MID1IP1: variants seen among roughly 807,000 people sequenced by gnomAD.
MID1IP1 encodes the protein mid1-interacting protein 1.
A neutral mutation model predicts 6.8 loss-of-function variants in MID1IP1; 3 were observed. The observed-to-expected ratio is 0.44, with a 90% CI of 0.20 to 1.14. The LOEUF is 1.14. Ranked by LOEUF, MID1IP1 falls within the 50% of genes most tolerant of loss-of-function variation. MID1IP1 has a pLI of 0.26. For synonymous variants in MID1IP1, 87 were observed against 70.4 expected (o/e 1.24, Z -1.18); for missense variants, 127 against 158.4 (o/e 0.80, Z 1.06).
chrX:38,805,154 G>A lies in MID1IP1; in HGVS notation c.208G>A (p.Val70Ile), dbSNP rs768565014. ...GGCLEERTPP[V>I]PDSGSANGSF... is the part of the protein sequence containing the mutation. ...CTGCCTGGAGGAGCGCACGCCCCCA[G>A]TCCCCGACTCGGGAAGCGCCAATGG... The change falls in exon 3 of 3, where the codon GTC becomes ATC. Residue 70 changes from valine to isoleucine, a missense_variant. By Grantham distance (29) the Val-to-Ile change is conservative. Transcript: ENST00000614558. 3.0e-5 allele frequency: 36 copies of A among 1,208,499 alleles called. No homozygotes were observed. The highest frequency in any genetic ancestry group is 2.2e-4 in the Admixed American group (10 of 45,749).
Position 38,805,199 on chromosome X carries a change from C to G in MID1IP1, c.253C>G (p.Arg85Gly). 2 of 1,209,901 alleles carry G rather than the reference C, an allele frequency of 1.7e-6. No individual in the cohort carries two copies. Among genetic ancestry groups the G allele is most frequent in the Non-Finnish European group, 2.2e-6 (2 of 894,716 alleles). ...SANGSFFAPS[R>G]DMYSHYVLLK... ...CAATGGCAGCTTTTTCGCGCCCTCT[C>G]GGGACATGTACAGCCACTACGTGCT... Residue 85 changes from arginine (R) to glycine (G), a missense_variant, in exon 3 of 3, where the codon CGG becomes GGG. Physicochemically the swap from Arg to Gly is moderately radical, Grantham distance 125 (BLOSUM62 -2). Coordinates refer to ENST00000614558, the MANE Select transcript of MID1IP1 (RefSeq NM_021242.6).
In MID1IP1 at chrX:38,804,063, C is replaced by T; in HGVS notation, c.-615C>T. 8.8e-6 allele frequency: 1 copy of T among 113,596 alleles called. No homozygotes were observed. The allele number at this position is 113,596 out of a possible 1,213,427, so 9.4% of individuals were successfully genotyped here. ...TGCCCTGCCCTGGCCTGCCCCGGCG[C>T]CCTCCCTCAGCCCGGGTATCAGGCG... On this transcript the variant is annotated 5_prime_UTR_variant, in exon 2 of 3. Transcript: ENST00000614558.
At position 38,805,231 on chromosome X, in the gene MID1IP1, G is replaced by T; in HGVS notation, c.285G>T (p.Lys95Asn). Residue 95 changes from lysine (K) to asparagine (N), a missense_variant, in exon 3 of 3, where the codon AAG (lysine) becomes AAT (asparagine). Coordinates refer to ENST00000614558, the MANE Select transcript of MID1IP1 (RefSeq NM_021242.6). ...RDMYSHYVLL[K>N]SIRNDIEWGV... is the part of the protein sequence containing the mutation. Reference sequence around the variant, plus strand: ...TGTACAGCCACTACGTGCTTCTCAAGTCCATCCGCAACGACATCGAGTGGG... The same window carrying T: ...TGTACAGCCACTACGTGCTTCTCAATTCCATCCGCAACGACATCGAGTGGG... 8.3e-7 allele frequency: 1 copy of T among 1,204,172 alleles called. No homozygotes were observed. The highest frequency in any genetic ancestry group is 1.1e-6 in the Non-Finnish European group (1 of 890,935).
In MID1IP1 at chrX:38,803,099, G is replaced by A. The variant is rs2070472913; in HGVS notation, c.-1579G>A. On this transcript the variant is annotated 5_prime_UTR_variant, in exon 2 of 3. Transcript: ENST00000614558. ...TGAATCTTATTGAACATAATTGTAG[G>A]ACTGCCAGAGAGGACTGGTGGATGA... is the stretch of plus-strand genomic sequence containing the variant. The A allele has an allele frequency of 8.9e-6, 1 of 112,474 alleles. No individual in the cohort carries two copies. The highest frequency in any genetic ancestry group is 3.6e-4 in the South Asian group (1 of 2,741). 9.3% of individuals were successfully genotyped at this position (112,474 alleles called of 1,213,427 possible).
At chrX:38,804,563 A>C in intron 2 of MID1IP1, 120 bp from the exon 3 acceptor site, 1 of 138,321 alleles carries the variant, frequency 7.2e-6, no homozygotes, top group Non-Finnish European at 1.4e-5. Flanking sequence ...GCGGGGAGCC[A>C]CCCAGGCGCC....
In MID1IP1 at chrX:38,805,898, T is replaced by G. The variant is rs775326850; in HGVS notation, c.*400T>G. ...CTTGGGAAAGCAGCCCGGAGCTGGGTGCTGGGGAAGGCGGGGCGCGTAGCC... is the reference window on the plus strand; with the variant it reads ...CTTGGGAAAGCAGCCCGGAGCTGGGGGCTGGGGAAGGCGGGGCGCGTAGCC... On this transcript the variant is annotated 3_prime_UTR_variant, in exon 3 of 3. Coordinates refer to ENST00000614558, the MANE Select transcript of MID1IP1 (RefSeq NM_021242.6). 6.2e-6 allele frequency: 1 copy of G among 161,696 alleles called. No individual in the cohort carries two copies. Among genetic ancestry groups the G allele is most frequent in the East Asian group, 1.9e-4 (1 of 5,185 alleles). The allele number at this position is 161,696 out of a possible 1,213,427, so 13.3% of individuals were successfully genotyped here.
rs956069437 is a variant in MID1IP1, at chrX:38,803,773, C to T, written c.-905C>T. The T allele has an allele frequency of 8.9e-6, 1 of 112,936 alleles. No individual in the cohort carries two copies. Among genetic ancestry groups the T allele is most frequent in the African/African-American group, 3.2e-5 (1 of 31,091 alleles). The allele number at this position is 112,936 out of a possible 1,213,427, so 9.3% of individuals were successfully genotyped here. A position where few individuals can be genotyped will look rare whatever the true frequency, so the allele number is the denominator to read the frequency against. Reference sequence around the variant, plus strand: ...CTTCCCCGACGGCTAATAATAAACCCGGGTTCCTGTTTCCCGGCCGCGGCC... The same window carrying T: ...CTTCCCCGACGGCTAATAATAAACCTGGGTTCCTGTTTCCCGGCCGCGGCC... On this transcript the variant is annotated 5_prime_UTR_variant, in exon 2 of 3. Transcript: ENST00000614558.
In MID1IP1 at chrX:38,804,671, T is replaced by A. The variant is rs905958575; in HGVS notation, c.-264-12T>A. On this transcript the variant is annotated splice_polypyrimidine_tract_variant and intron_variant, in intron 2 of 2. Coordinates refer to ENST00000614558, the MANE Select transcript of MID1IP1 (RefSeq NM_021242.6). ...AATCTAATCTGTTCTTTCGTCTCCGTGTATCAAACAGGCCAGGGCTCGACC... is the reference window on the plus strand; with the variant it reads ...AATCTAATCTGTTCTTTCGTCTCCGAGTATCAAACAGGCCAGGGCTCGACC... 8 of 319,395 alleles carry A rather than the reference T, an allele frequency of 2.5e-5. No homozygotes were observed. The highest frequency in any genetic ancestry group is 4.4e-5 in the Non-Finnish European group (8 of 182,516). The allele number at this position is 319,395 out of a possible 1,213,427, so 26.3% of individuals were successfully genotyped here.
At chrX:38,801,784 C>G (rs1443369029) in intron 1 of MID1IP1, 1 of 111,242 alleles carries the variant, frequency 9.0e-6, no homozygotes, top group African/African-American at 3.3e-5. Flanking sequence ...TGTTATCACA[C>G]TGTTGGAACT....
Position 38,805,855 on chromosome X carries a change from C to T in MID1IP1, c.*357C>T. The T allele has an allele frequency of 5.0e-6, 1 of 200,479 alleles. No homozygotes were observed. The highest frequency in any genetic ancestry group is 9.7e-6 in the Non-Finnish European group (1 of 102,807). 16.5% of individuals were successfully genotyped at this position (200,479 alleles called of 1,213,427 possible). On this transcript the variant is annotated 3_prime_UTR_variant, in exon 3 of 3. Coordinates refer to ENST00000614558, the MANE Select transcript of MID1IP1 (RefSeq NM_021242.6). ...CCCGAGAAGGGGCCATACCAGGGCGCGGCGCTGGGTTGCCACACTTGGGAA... is the reference window on the plus strand; with the variant it reads ...CCCGAGAAGGGGCCATACCAGGGCGTGGCGCTGGGTTGCCACACTTGGGAA...
At position 38,804,907 on chromosome X, in the gene MID1IP1, T is replaced by G. The variant is rs767363606; in HGVS notation, c.-40T>G. The G allele has an allele frequency of 1.7e-6, 2 of 1,148,626 alleles. No homozygotes were observed. The highest frequency in any genetic ancestry group is 5.2e-5 in the Admixed American group (2 of 38,497). 94.7% of individuals were successfully genotyped at this position (1,148,626 alleles called of 1,213,427 possible). ...CCCTTGACCCGGCCGACCATCCCCG[T>G]GCCCCTGCGTCCCTGCGCTCCAACG... On this transcript the variant is annotated 5_prime_UTR_variant, in exon 3 of 3. Coordinates refer to ENST00000614558, the MANE Select transcript of MID1IP1 (RefSeq NM_021242.6).
At position 38,805,128 on chromosome X, in the gene MID1IP1, G is replaced by A; in HGVS notation, c.182G>A (p.Gly61Asp). The A allele has an allele frequency of 2.5e-6, 3 of 1,208,415 alleles. No homozygotes were observed. Among genetic ancestry groups the A allele is most frequent in the South Asian group, 3.5e-5 (2 of 56,578 alleles). Residue 61 changes from glycine (G) to aspartate (D), a missense_variant, in exon 3 of 3, where the codon GGC becomes GAC. Physicochemically the swap from Gly to Asp is moderately conservative, Grantham distance 94 (BLOSUM62 -1). Transcript: ENST00000614558. ...DVGVEVGGSG[G>D]CLEERTPPVP... ...GGCGTGGAGGTAGGCGGCAGTGGCGGCTGCCTGGAGGAGCGCACGCCCCCA... is the reference window on the plus strand; with the variant it reads ...GGCGTGGAGGTAGGCGGCAGTGGCGACTGCCTGGAGGAGCGCACGCCCCCA...
Position 38,803,168 on chromosome X carries a change from G to C in MID1IP1, c.-1510G>C, listed in dbSNP as rs1451561370. 1 of 112,896 alleles carries C rather than the reference G, an allele frequency of 8.9e-6. No individual in the cohort carries two copies. Among genetic ancestry groups the C allele is most frequent in the Non-Finnish European group, 1.9e-5 (1 of 53,403 alleles). 9.3% of individuals were successfully genotyped at this position (112,896 alleles called of 1,213,427 possible). A position where few individuals can be genotyped will look rare whatever the true frequency, so the allele number is the denominator to read the frequency against. On this transcript the variant is annotated 5_prime_UTR_variant, in exon 2 of 3. Coordinates refer to ENST00000614558, the MANE Select transcript of MID1IP1 (RefSeq NM_021242.6). ...TGAGATGGGAAAAATTAAATAGGCT[G>C]TGGTTTGGAAGTCTCAAAGTGAAAT...
rs1188664984 is a variant in MID1IP1 at position 38,803,765 on chromosome X, A to G, written c.-913A>G. 1 of 112,674 alleles carries G rather than the reference A, an allele frequency of 8.9e-6. No individual in the cohort carries two copies. The highest frequency in any genetic ancestry group is 1.9e-5 in the Non-Finnish European group (1 of 53,305). 9.3% of individuals were successfully genotyped at this position (112,674 alleles called of 1,213,427 possible). A position where few individuals can be genotyped will look rare whatever the true frequency, so the allele number is the denominator to read the frequency against. On this transcript the variant is annotated 5_prime_UTR_variant, in exon 2 of 3. The change creates a new upstream start codon in the 5' untranslated region. Coordinates refer to ENST00000614558, the MANE Select transcript of MID1IP1 (RefSeq NM_021242.6). ...CGGCCCCTCTTCCCCGACGGCTAAT[A>G]ATAAACCCGGGTTCCTGTTTCCCGG... is the stretch of plus-strand genomic sequence containing the variant.
chrX:38,802,299 G>A (rs989230267), intron 1 of MID1IP1, among the ~76,000 whole-genome samples: 3 of 112,643 alleles, frequency 2.7e-5, no homozygotes, highest in Admixed American at 9.3e-5. Context: ...TGTGTGCAGA[G>A]AAGGAAGGTG....
In MID1IP1 at chrX:38,804,938, G is replaced by A. The variant is rs2070498544; in HGVS notation, c.-9G>A. On this transcript the variant is annotated 5_prime_UTR_variant, in exon 3 of 3. Transcript: ENST00000614558. ...TGCGTCCCTGCGCTCCAACGTCCGC[G>A]CGGCCACCATGATGCAAATCTGCGA... 2 of 1,161,595 alleles carry A rather than the reference G, an allele frequency of 1.7e-6. No individual in the cohort carries two copies. The highest frequency in any genetic ancestry group is 1.2e-6 in the Non-Finnish European group (1 of 866,692).
In MID1IP1 at chrX:38,802,599, G is replaced by A. The variant is rs1460156990; in HGVS notation, c.-2079G>A. 1.8e-5 allele frequency: 2 copies of A among 111,868 alleles called. No individual in the cohort carries two copies. Among genetic ancestry groups the A allele is most frequent in the Admixed American group, 9.4e-5 (1 of 10,618 alleles). 9.2% of individuals were successfully genotyped at this position (111,868 alleles called of 1,213,427 possible). ...GACAATTAGGAAGATGGTTTTCTAT[G>A]GAAAATATTTAAGTGTAGGTCTTAA... On this transcript the variant is annotated 5_prime_UTR_variant, in exon 2 of 3. The change abolishes an upstream ATG in the 5' untranslated region. Transcript: ENST00000614558.
chrX:38,802,129 A>G (rs994854068), intron 1 of MID1IP1, among the ~76,000 whole-genome samples: 1 of 112,266 alleles, frequency 8.9e-6, no homozygotes, highest in South Asian at 3.7e-4. Flanking sequence ...TCTCACTATG[A>G]TGAGGTCCTG....
rs1166146220 is a variant in MID1IP1, at chrX:38,801,470, G to A, written c.-2161G>A. On this transcript the variant is annotated 5_prime_UTR_variant, in exon 1 of 3. Transcript: ENST00000614558. ...TCTGGCCGGCGGACCTTTTCCTTCT[G>A]GAGTTTCCCCGGCGGGTGTGAGTTG... 1 of 111,943 alleles carries A rather than the reference G, an allele frequency of 8.9e-6. No individual in the cohort carries two copies. The highest frequency in any genetic ancestry group is 3.3e-5 in the African/African-American group (1 of 30,690). 9.2% of individuals were successfully genotyped at this position (111,943 alleles called of 1,213,427 possible). A position where few individuals can be genotyped will look rare whatever the true frequency, so the allele number is the denominator to read the frequency against.
Sources: allele counts gnomAD v4.1 joint callset (sites outside exome capture counted in the v4.1 genomes callset), GRCh38; gene constraint gnomAD v4.1.1; transcripts MANE v1.5; gene names NCBI Gene and HGNC (gene_info 2026-07-23, HGNC 2026-07-21).